Variants in SGCZ observed in about 807,000 individuals in gnomAD.
SGCZ encodes the protein zeta-sarcoglycan.
SGCZ carries 40 observed loss-of-function variants against 41.3 expected under a neutral mutation model. The observed-to-expected ratio is 0.97, with a 90% CI of 0.75 to 1.26. The LOEUF (loss-of-function observed/expected upper bound fraction) is 1.26. Ranked by LOEUF, SGCZ falls within the 50% of genes most tolerant of loss-of-function variation. The probability of loss-of-function intolerance (pLI) is 0.00; values close to 1 mark genes in which losing one functional copy is unlikely to be tolerated. For missense variants in SGCZ, 552 were observed against 369.8 expected, an observed-to-expected ratio of 1.49 and a Z score of -4.04; for synonymous variants, 206 against 137.5, an observed-to-expected ratio of 1.50 and a Z score of -3.49.
chr8:15,110,545 C>T lies in SGCZ; in HGVS notation c.39+127040G>A, dbSNP rs185190325. Among the ~76,000 whole-genome samples the T allele has an allele frequency of 1.8e-3, 276 of 152,310 alleles. 5 individuals are homozygous for T. The highest frequency in any genetic ancestry group is 5.9e-4 in the Non-Finnish European group (40 of 68,030). On this transcript the variant is annotated intron_variant, in intron 1 of 7. Coordinates refer to ENST00000382080, the MANE Select transcript of SGCZ (RefSeq NM_139167.4). ...CCCACAGGGCAAAGGGATTAAGTTT[C>T]ACCAAAGTGAAATCAAAGCAAAGCA...
intron 3 of SGCZ, among the ~76,000 whole-genome samples, chr8:14,262,697 T>G (rs1799714525): frequency 6.6e-6 from 1 of 151,412 alleles, no homozygotes; most frequent in African/African-American, 2.4e-5. Context: ...GAACCTTGAA[T>G]AAATAATACA....
At chr8:14,559,785 C>A (rs143173317) in intron 1 of SGCZ, among the ~76,000 whole-genome samples, 1 of 151,938 alleles carries the variant, frequency 6.6e-6, no homozygotes, top group Non-Finnish European at 1.5e-5. Context: ...ACGCTGATAA[C>A]GGTAGATAAT....
intron 3 of SGCZ, among the ~76,000 whole-genome samples, chr8:14,238,747 G>T (rs191961034): frequency 8.9e-4 from 134 of 151,236 alleles, no homozygotes; most frequent in East Asian, 2.5e-3. Context: ...ATAATGTTCT[G>T]GGGGGGGACA....
intron 3 of SGCZ, among the ~76,000 whole-genome samples, chr8:14,240,480 A>G (rs371489732): frequency 7.2e-5 from 11 of 152,054 alleles, no homozygotes; most frequent in African/African-American, 2.7e-4. Flanking sequence ...CTTTTCATAT[A>G]ATTCTCCTAA....
intron 2 of SGCZ, among the ~76,000 whole-genome samples, chr8:14,507,774 G>GT (rs61638509): frequency 0.57 from 76,325 of 134,946 alleles, 20,823 homozygotes; most frequent in East Asian, 0.73. Context: ...TTTTGTTTTT[G>GT]TTTTTTTTTT....
chr8:15,232,650 T>C (rs555628292), intron 1 of SGCZ, among the ~76,000 whole-genome samples: 2 of 143,310 alleles, frequency 1.4e-5, no homozygotes, highest in East Asian at 4.0e-4. Flanking sequence ...TATGTGTGTG[T>C]ATATATATAC....
chr8:14,309,044 C>A, intron 3 of SGCZ: 2 of 1,321,864 alleles, frequency 1.5e-6, no homozygotes, highest in Non-Finnish European at 2.1e-6. Flanking sequence ...GGAAGCCTCC[C>A]CTACTCTTAA....
At chr8:15,231,872 T>C (rs1196823276) in intron 1 of SGCZ, among the ~76,000 whole-genome samples, 1 of 152,164 alleles carries the variant, frequency 6.6e-6, no homozygotes, top group East Asian at 1.9e-4. Context: ...TCCACCTGCC[T>C]TGGCCTTCCA....
chr8:15,023,683 T>A (rs919218553), intron 1 of SGCZ, among the ~76,000 whole-genome samples: 2 of 152,214 alleles, frequency 1.3e-5, no homozygotes, highest in African/African-American at 4.8e-5. Context: ...GGAAATTATC[T>A]AAAAAGTTAT....
intron 1 of SGCZ, among the ~76,000 whole-genome samples, chr8:14,928,913 A>T (rs1799844289): frequency 6.6e-6 from 1 of 152,192 alleles, no homozygotes; most frequent in Admixed American, 6.6e-5. Context: ...TTGTTCCATT[A>T]TCAAATGCCT....
intron 4 of SGCZ, among the ~76,000 whole-genome samples, chr8:14,194,281 G>A (rs1397673348): frequency 6.6e-6 from 1 of 151,880 alleles, no homozygotes; most frequent in Admixed American, 6.6e-5. Flanking sequence ...TGAATGTTTG[G>A]AATACTGTAG....
chr8:14,256,557 TACTC>T (rs754757747), intron 3 of SGCZ, among the ~76,000 whole-genome samples: 2 of 141,416 alleles, frequency 1.4e-5, no homozygotes, highest in East Asian at 4.4e-4. Flanking sequence ...CAGTTGGAAT[TACTC>T]TCTCTTTCTC....
intron 1 of SGCZ, among the ~76,000 whole-genome samples, chr8:15,061,643 C>A (rs781595154): frequency 5.3e-5 from 8 of 151,558 alleles, no homozygotes; most frequent in Admixed American, 1.3e-4. Flanking sequence ...CTTTTTTGCC[C>A]TTCTACATCT....
At chr8:14,779,775 T>C (rs1800527998) in intron 1 of SGCZ, among the ~76,000 whole-genome samples, 1 of 152,186 alleles carries the variant, frequency 6.6e-6, no homozygotes, top group Admixed American at 6.5e-5. Context: ...GCAGAGCATA[T>C]AAATAAATGA....
At chr8:14,227,664 T>G (rs920028054) in intron 4 of SGCZ, among the ~76,000 whole-genome samples, 1 of 152,138 alleles carries the variant, frequency 6.6e-6, no homozygotes, top group African/African-American at 2.4e-5. Context: ...CTGAAGAGAT[T>G]TGGGTAATAC....
chr8:14,534,278 G>T (rs943468441), intron 2 of SGCZ, among the ~76,000 whole-genome samples: 1 of 151,896 alleles, frequency 6.6e-6, no homozygotes, highest in Admixed American at 6.6e-5. Flanking sequence ...AACAGAAGAA[G>T]GGCTCATTGG....
At chr8:15,163,491 G>C (rs1047686393) in intron 1 of SGCZ, among the ~76,000 whole-genome samples, 22 of 152,044 alleles carry the variant, frequency 1.4e-4, no homozygotes, top group African/African-American at 1.4e-4. Context: ...TCCCTGTTTT[G>C]TTTTGTTATT....
At chr8:14,602,890 A>G (rs542459826) in intron 1 of SGCZ, among the ~76,000 whole-genome samples, 1 of 152,314 alleles carries the variant, frequency 6.6e-6, no homozygotes, top group Admixed American at 6.5e-5. Context: ...TAAAGGAAGT[A>G]ACACTATCAA....
At chr8:14,587,345 A>G (rs1175568660) in intron 1 of SGCZ, among the ~76,000 whole-genome samples, 1 of 151,510 alleles carries the variant, frequency 6.6e-6, no homozygotes, top group Non-Finnish European at 1.5e-5. Context: ...ATGTGTTAAT[A>G]TGAAATTATC....
Sources: gnomAD v4.1 joint callset for allele counts (sites outside exome capture counted in the v4.1 genomes callset) on GRCh38, gnomAD v4.1.1 for gene constraint, MANE v1.5 for transcripts, NCBI Gene and HGNC (gene_info 2026-07-23, HGNC 2026-07-21) for gene names.